Variants in PARD3 observed in about 807,000 individuals in gnomAD.
PARD3 encodes partitioning defective 3 homolog.
In PARD3, 75 loss-of-function variants were observed where a neutral mutation model predicts 155.4. The ratio of observed to expected loss-of-function variants is 0.48; its 90% CI spans 0.40 to 0.58. PARD3 has a LOEUF of 0.58. Ranked by LOEUF, PARD3 falls within the 20% of genes least tolerant of loss-of-function variation. The pLI, the probability that PARD3 is intolerant of heterozygous loss-of-function variation, is 0.00. For synonymous variants in PARD3, 576 were observed against 610.5 expected (o/e 0.94, Z 0.83); for missense variants, 1,642 against 1,721.7 (o/e 0.95, Z 0.82).
chr10:34,563,995 T>C (rs183295367), intron 2 of PARD3, among the ~76,000 whole-genome samples: 19 of 152,316 alleles, frequency 1.2e-4, no homozygotes. Context: ...TAATGGTACA[T>C]CTAATATCCT....
At chr10:34,678,941 G>A (rs74132090) in intron 2 of PARD3, among the ~76,000 whole-genome samples, 41 of 152,044 alleles carry the variant, frequency 2.7e-4, no homozygotes, top group African/African-American at 8.0e-4. Context: ...GAATCCTTCC[G>A]AGAGGTCCCA....
intron 12 of PARD3, among the ~76,000 whole-genome samples, chr10:34,366,034 C>T (rs994809688): frequency 6.6e-6 from 1 of 152,194 alleles, no homozygotes; most frequent in Non-Finnish European, 1.5e-5. Context: ...GAATTTTCTA[C>T]AGTTGATATG....
chr10:34,166,066 C>G (rs1464187535), intron 22 of PARD3, among the ~76,000 whole-genome samples: 1 of 152,170 alleles, frequency 6.6e-6, no homozygotes, highest in African/African-American at 2.4e-5. Flanking sequence ...AACCTTCCCT[C>G]AGATTCACTG....
intron 2 of PARD3, among the ~76,000 whole-genome samples, chr10:34,542,773 C>T (rs568579112): frequency 1.3e-5 from 2 of 152,246 alleles, no homozygotes; most frequent in African/African-American, 4.8e-5. Context: ...AAGCATAAAG[C>T]ATTGTGTCAT....
At chr10:34,239,511 G>A (rs1953442263) in intron 22 of PARD3, among the ~76,000 whole-genome samples, 3 of 152,146 alleles carry the variant, frequency 2.0e-5, no homozygotes, top group Admixed American at 2.0e-4. Flanking sequence ...TTAAAAATTG[G>A]TGTTTGTGGG....
chr10:34,221,784 T>G lies in PARD3; in HGVS notation c.3419+47873A>C, dbSNP rs375273347. Reference sequence around the variant, plus strand: ...AAAAGTCAAGGGTGTGGGGACAATGTCCATGTGTAAAGAAATGAGATACAA... The same window carrying G: ...AAAAGTCAAGGGTGTGGGGACAATGGCCATGTGTAAAGAAATGAGATACAA... On this transcript the variant is annotated intron_variant, in intron 22 of 24. Transcript: ENST00000374788. Among the ~76,000 whole-genome samples the G allele has an allele frequency of 1.2e-4, 19 of 152,340 alleles. No homozygotes were observed. In the East Asian group the frequency reaches 3.1e-3, roughly 25 times the overall value.
intron 1 of PARD3, among the ~76,000 whole-genome samples, chr10:34,737,903 G>T (rs567269543): frequency 1.3e-5 from 2 of 152,294 alleles, no homozygotes; most frequent in South Asian, 4.1e-4. Context: ...GGACGCCTGG[G>T]CCCGCAGGTG....
intron 22 of PARD3, among the ~76,000 whole-genome samples, chr10:34,153,404 C>T (rs905334831): frequency 3.9e-5 from 6 of 152,164 alleles, no homozygotes; most frequent in African/African-American, 7.2e-5. Context: ...GACACACACA[C>T]GTATAATAAA....
intron 22 of PARD3, among the ~76,000 whole-genome samples, chr10:34,182,587 T>C (rs1265368353): frequency 1.3e-5 from 2 of 152,192 alleles, no homozygotes; most frequent in African/African-American, 4.8e-5. Flanking sequence ...ACACCTGGTA[T>C]ATCCAACTTT....
intron 3 of PARD3, 28 bp downstream of exon 3, chr10:34,516,951 T>C (rs2081812555): frequency 6.3e-7 from 1 of 1,597,762 alleles, no homozygotes; most frequent in East Asian, 2.2e-5. Flanking sequence ...TAAGATGAAA[T>C]GGAAGAGAAG....
chr10:34,596,187 T>C (rs1028483769), intron 2 of PARD3, among the ~76,000 whole-genome samples: 1 of 152,144 alleles, frequency 6.6e-6, no homozygotes, highest in Non-Finnish European at 1.5e-5. Context: ...GGAAATAACT[T>C]TGGGAGCACT....
chr10:34,315,181 G>A (rs1287641494), intron 20 of PARD3, among the ~76,000 whole-genome samples: 1 of 152,146 alleles, frequency 6.6e-6, no homozygotes, highest in African/African-American at 2.4e-5. Context: ...TCTAGAGAAA[G>A]CATCATGTAA....
intron 5 of PARD3, among the ~76,000 whole-genome samples, chr10:34,427,856 A>G (rs185338581): frequency 2.0e-4 from 30 of 152,280 alleles, no homozygotes; most frequent in Admixed American, 3.3e-4. Context: ...TTCCCCCGAT[A>G]TGTGGAGGCG....
At chr10:34,666,816 T>TATATATATATATATATATATATATATAC (rs765552982) in intron 2 of PARD3, among the ~76,000 whole-genome samples, 43 of 88,722 alleles carry the variant, frequency 4.8e-4, no homozygotes, top group South Asian at 1.3e-3. Context: ...TATATATATA[T>TATATATATATATATATATATATATATAC]ACACACACAC....
chr10:34,612,780 G>A (rs1407847256), intron 2 of PARD3, among the ~76,000 whole-genome samples: 1 of 152,154 alleles, frequency 6.6e-6, no homozygotes, highest in Non-Finnish European at 1.5e-5. Flanking sequence ...GCTGCAAGAT[G>A]GATATCATTA....
chr10:34,798,578 G>A (rs1842532975), intron 1 of PARD3, among the ~76,000 whole-genome samples: 1 of 151,688 alleles, frequency 6.6e-6, no homozygotes, highest in Admixed American at 6.6e-5. Context: ...GGTGGTGGGT[G>A]CCTGTAACCC....
At chr10:34,658,484 G>A (rs1193971482) in intron 2 of PARD3, among the ~76,000 whole-genome samples, 1 of 152,126 alleles carries the variant, frequency 6.6e-6, no homozygotes, top group Non-Finnish European at 1.5e-5. Context: ...GGCGGCACCA[G>A]GGGCAGACGG....
chr10:34,635,232 G>A (rs1013322719), intron 2 of PARD3, among the ~76,000 whole-genome samples: 2 of 152,208 alleles, frequency 1.3e-5, no homozygotes, highest in South Asian at 2.1e-4. Flanking sequence ...CCATGTTGCC[G>A]GTCTTCTGAT....
chr10:34,623,196 G>A (rs141623080), intron 2 of PARD3, among the ~76,000 whole-genome samples: 3 of 152,240 alleles, frequency 2.0e-5, no homozygotes, highest in East Asian at 3.9e-4. Flanking sequence ...ATACTTTCAC[G>A]GCTGTGTCAT....
Sources: gnomAD v4.1 joint callset for allele counts (sites outside exome capture counted in the v4.1 genomes callset) on GRCh38, gnomAD v4.1.1 for gene constraint, MANE v1.5 for transcripts, NCBI Gene and HGNC (gene_info 2026-07-23, HGNC 2026-07-21) for gene names.